The following LINGO2 variants were observed in gnomAD, a reference collection of about 807,000 sequenced individuals.
The protein encoded by LINGO2 is leucine rich repeat and Ig domain containing 2.
A neutral mutation model predicts 30.6 loss-of-function variants in LINGO2; 14 were observed. The observed-to-expected ratio is 0.46, with a 90% CI of 0.30 to 0.72. The LOEUF is 0.72. LINGO2 is among the 30% of genes least tolerant of loss of function. LINGO2 has a pLI of 0.07. For missense variants in LINGO2, 729 were observed against 751.7 expected (o/e 0.97, Z 0.35); for synonymous variants, 317 against 288.5 (o/e 1.10, Z -1.00).
intron 4 of LINGO2, among the ~76,000 whole-genome samples, chr9:28,194,548 A>G (rs16912561): frequency 0.15 from 20,387 of 136,144 alleles, 1,576 homozygotes; most frequent in African/African-American, 0.21. Flanking sequence ...GCTAAGACCT[A>G]AACTCTCTAT....
intron 4 of LINGO2, among the ~76,000 whole-genome samples, chr9:28,191,964 C>G (rs1457388675): frequency 6.6e-6 from 1 of 152,070 alleles, no homozygotes; most frequent in African/African-American, 2.4e-5. Context: ...CATCTATATT[C>G]TGTCGACTCC....
chr9:28,437,555 A>G (rs979276101), intron 2 of LINGO2, among the ~76,000 whole-genome samples: 126 of 144,294 alleles, frequency 8.7e-4, no homozygotes, highest in Middle Eastern at 3.7e-3. Context: ...AGACGCACAC[A>G]CACACACACA....
chr9:28,723,984 T>C, the LINGO2 span, among the ~76,000 whole-genome samples: 5 of 152,114 alleles, frequency 3.3e-5, no homozygotes, highest in African/African-American at 9.7e-5. Context: ...ATATACTCTA[T>C]TTGCTTCTTC....
Position 28,037,803 on chromosome 9 carries a change from T to G in LINGO2, c.-86-25398A>C, listed in dbSNP as rs142717403. On this transcript the variant is annotated intron_variant, in intron 4 of 5. Coordinates refer to ENST00000379992, the Ensembl canonical transcript of LINGO2. ...TTAGTTCTAGCAAATTTTCATGCAGTATCTGTAAGACACAACCTCTTAAAA... is the reference window on the plus strand; with the variant it reads ...TTAGTTCTAGCAAATTTTCATGCAGGATCTGTAAGACACAACCTCTTAAAA... Among the ~76,000 whole-genome samples, 690 of 152,334 alleles carry G rather than the reference T, an allele frequency of 4.5e-3. 6 individuals are homozygous for G. Among genetic ancestry groups the G allele is most frequent in the African/African-American group, 0.016 (667 of 41,572 alleles).
chr9:28,724,917 A>G, the LINGO2 span, among the ~76,000 whole-genome samples: 1 of 152,144 alleles, frequency 6.6e-6, no homozygotes, highest in Non-Finnish European at 1.5e-5. Context: ...TTTGTAGATA[A>G]ATAGAAATGG....
At chr9:29,120,734 T>C in the LINGO2 span, among the ~76,000 whole-genome samples, 12 of 152,310 alleles carry the variant, frequency 7.9e-5, no homozygotes, top group East Asian at 2.3e-3. Context: ...AGCTTGGCCA[T>C]TAAAGTCACA....
At chr9:28,660,810 C>T (rs1197872028) in intron 1 of LINGO2, among the ~76,000 whole-genome samples, 2 of 151,976 alleles carry the variant, frequency 1.3e-5, no homozygotes, top group African/African-American at 4.8e-5. Context: ...AAAGAGGTAG[C>T]ATCAAAAATA....
the LINGO2 span, among the ~76,000 whole-genome samples, chr9:29,140,549 A>G: frequency 2.0e-5 from 3 of 151,912 alleles, no homozygotes; most frequent in African/African-American, 4.8e-5. Context: ...ATCATCAACC[A>G]TACAAATGTA....
At chr9:29,086,804 T>A in the LINGO2 span, among the ~76,000 whole-genome samples, 1 of 151,948 alleles carries the variant, frequency 6.6e-6, no homozygotes, top group Non-Finnish European at 1.5e-5. Context: ...GTCTCAGAGG[T>A]TTCATATACC....
the LINGO2 span, among the ~76,000 whole-genome samples, chr9:29,077,788 ATATCAACCAAT>A: frequency 6.6e-6 from 1 of 152,002 alleles, no homozygotes; most frequent in African/African-American, 2.4e-5. Context: ...GTGGGGAAAC[ATATCAACCAAT>A]CACAGGCACA....
intron 4 of LINGO2, among the ~76,000 whole-genome samples, chr9:28,058,604 T>C (rs1046818226): frequency 5.9e-5 from 9 of 152,252 alleles, no homozygotes; most frequent in African/African-American, 2.2e-4. Flanking sequence ...AAAATGTAAG[T>C]TATACAAACA....
At chr9:29,082,308 T>TCA in the LINGO2 span, among the ~76,000 whole-genome samples, 1 of 152,134 alleles carries the variant, frequency 6.6e-6, no homozygotes. Flanking sequence ...TTGACAAACC[T>TCA]GACAAACACA....
At position 28,081,330 on chromosome 9, in the gene LINGO2, CATCT is replaced by C. The variant is rs1182499266; in HGVS notation, c.-86-68929_-86-68926del. Among the ~76,000 whole-genome samples the C allele has an allele frequency of 2.7e-5, 4 of 150,726 alleles. No individual in the cohort carries two copies. In the East Asian group the frequency reaches 5.8e-4, roughly 22 times the overall value. On this transcript the variant is annotated intron_variant, in intron 4 of 5. Transcript: ENST00000379992. ...AAAGTTCACATTCACATTTTATTCA[CATCT>C]ATCTAATAGACAAAATTATTTGTAA... is the stretch of plus-strand genomic sequence containing the variant.
chr9:28,150,239 T>G (rs1267121970), intron 4 of LINGO2, among the ~76,000 whole-genome samples: 1 of 152,188 alleles, frequency 6.6e-6, no homozygotes, highest in East Asian at 1.9e-4. Context: ...CCCCTCACCA[T>G]CTGGGAAGTG....
At chr9:28,109,626 G>T (rs1826710630) in intron 4 of LINGO2, among the ~76,000 whole-genome samples, 1 of 152,066 alleles carries the variant, frequency 6.6e-6, no homozygotes, top group Non-Finnish European at 1.5e-5. Flanking sequence ...GCCAAATCAG[G>T]AATGAACTCA....
intron 1 of LINGO2, among the ~76,000 whole-genome samples, chr9:28,616,791 T>C (rs916925547): frequency 2.6e-5 from 4 of 152,192 alleles, no homozygotes; most frequent in African/African-American, 7.2e-5. Context: ...TCTACTTACA[T>C]GAAAGATTTT....
At chr9:28,735,677 T>G in the LINGO2 span, among the ~76,000 whole-genome samples, 2 of 152,154 alleles carry the variant, frequency 1.3e-5, no homozygotes, top group African/African-American at 2.4e-5. Context: ...ATAATAATTT[T>G]TACACATTGT....
At chr9:27,954,487 G>A (rs958694947) in intron 5 of LINGO2, among the ~76,000 whole-genome samples, 1 of 151,984 alleles carries the variant, frequency 6.6e-6, no homozygotes, top group Non-Finnish European at 1.5e-5. Context: ...TACTATAATG[G>A]CCTTCAGTTC....
the LINGO2 span, among the ~76,000 whole-genome samples, chr9:28,784,703 C>G: frequency 4.7e-4 from 72 of 152,206 alleles, no homozygotes; most frequent in African/African-American, 1.6e-3. Flanking sequence ...CCTGTAATCC[C>G]AGCACTTTGG....
Sources: allele counts gnomAD v4.1 joint callset (sites outside exome capture counted in the v4.1 genomes callset), GRCh38; gene constraint gnomAD v4.1.1; transcripts MANE v1.5; gene names NCBI Gene and HGNC (gene_info 2026-07-23, HGNC 2026-07-21).